Variants in ATP6V0A2 observed in about 807,000 individuals in gnomAD.
ATP6V0A2 encodes ATPase H+ transporting V0 subunit a2, also known as V-type proton ATPase 116 kDa subunit a 2.
A neutral mutation model predicts 104.4 loss-of-function variants in ATP6V0A2; 58 were observed. That is an observed-to-expected ratio of 0.56 (90% confidence interval 0.45 to 0.69). The LOEUF (loss-of-function observed/expected upper bound fraction) is 0.69. Among genes scored for constraint, ATP6V0A2 ranks in the 30% least tolerant of loss-of-function variants. The pLI, the probability that ATP6V0A2 is intolerant of heterozygous loss-of-function variation, is 0.00. For synonymous variants in ATP6V0A2, 376 were observed against 397.9 expected (o/e 0.95, Z 0.65); for missense variants, 938 against 1,062.9 (o/e 0.88, Z 1.63).
intron 6 of ATP6V0A2, chr12:123,732,520 C>T (rs1399601358): frequency 1.3e-5 from 2 of 152,266 alleles, no homozygotes; most frequent in African/African-American, 4.8e-5. Flanking sequence ...TACTACATCC[C>T]TCCCCGGCGG....
chr12:123,754,539 T>C lies in ATP6V0A2; in HGVS notation c.2293+2T>C, dbSNP rs200627158. ...GGGCGCTTAGCCTGGCTCACGCACG[T>C]AAGTTCCTGCTTAGACCTGCAGTTC... On this transcript the variant is annotated splice_donor_variant, in intron 18 of 19. Coordinates refer to ENST00000330342, the MANE Select transcript of ATP6V0A2 (RefSeq NM_012463.4). LOFTEE classifies it high-confidence loss of function. 1 of 1,610,556 alleles carries C rather than the reference T, an allele frequency of 6.2e-7. No individual in the cohort carries two copies. Among genetic ancestry groups the C allele is most frequent in the East Asian group, 2.2e-5 (1 of 44,862 alleles).
At chr12:123,728,841 TGA>T (rs1454606941) in intron 6 of ATP6V0A2, among the ~76,000 whole-genome samples, 21 of 150,176 alleles carry the variant, frequency 1.4e-4, no homozygotes, top group African/African-American at 4.7e-4. Context: ...TCTGATCACT[TGA>T]TTAGTTCCAT....
chr12:123,722,384 T>C lies in ATP6V0A2; in HGVS notation c.230T>C (p.Ile77Thr). ...YLVQEINRADIPLPEGEASPP... is the reference protein window; with the variant it reads ...YLVQEINRADTPLPEGEASPP... The stretch of plus-strand genomic sequence containing the variant: ...GTACAGGAAATTAATAGAGCTGATA[T>C]TCCCCTTCCTGAAGGAGAGGCCAGC... Residue 77 changes from isoleucine (I) to threonine (T), a missense_variant, in exon 3 of 20, where the codon ATT becomes ACT. By Grantham distance (89) the Ile-to-Thr change is moderately conservative (BLOSUM62 -1). Transcript: ENST00000330342. The C allele has an allele frequency of 1.9e-6, 3 of 1,611,882 alleles. No homozygotes were observed. The highest frequency in any genetic ancestry group is 1.3e-5 in the African/African-American group (1 of 75,020).
chr12:123,756,707 TG>T, intron 18 of ATP6V0A2, 107 bp from the exon 19 acceptor site: 1 of 1,163,372 alleles, frequency 8.6e-7, no homozygotes, highest in Non-Finnish European at 1.3e-6. Flanking sequence ...TATTATTTTA[TG>T]GGATAATAGT....
chr12:123,726,204 C>T lies in ATP6V0A2; in HGVS notation c.440C>T (p.Pro147Leu), dbSNP rs747354658. ...TFVKRNVEFE[P>L]TYEEFPSLES... Reference sequence around the variant, plus strand: ...TCATATGTTTATTTCTAGTTTGAACCCACTTATGAAGAATTCCCTTCCTTA... The same window carrying T: ...TCATATGTTTATTTCTAGTTTGAACTCACTTATGAAGAATTCCCTTCCTTA... Residue 147 changes from proline to leucine, a missense_variant, in exon 5 of 20, where the codon CCC (proline) becomes CTC (leucine). Coordinates refer to ENST00000330342, the MANE Select transcript of ATP6V0A2 (RefSeq NM_012463.4). 6.4e-5 allele frequency: 103 copies of T among 1,609,010 alleles called. No individual in the cohort carries two copies. In the Middle Eastern group the frequency reaches 1.6e-3, roughly 26 times the overall value.
intron 17 of ATP6V0A2, 59 bp from the exon 18 acceptor site, chr12:123,754,361 A>T: frequency 1.5e-6 from 2 of 1,294,328 alleles, no homozygotes; most frequent in Non-Finnish European, 2.3e-6. Context: ...CCCACTTGGC[A>T]TGTAGAAGTA....
At chr12:123,723,330 G>A (rs1265584890) in intron 3 of ATP6V0A2, 2 of 152,178 alleles carry the variant, frequency 1.3e-5, no homozygotes, top group Non-Finnish European at 2.9e-5. Context: ...AGTATATTAA[G>A]TGATTTGTTT....
At position 123,759,849 on chromosome 12, in the gene ATP6V0A2, CT is replaced by C; in HGVS notation, c.*1818del. 1 of 152,352 alleles carries C rather than the reference CT, an allele frequency of 6.6e-6. No individual in the cohort carries two copies. The highest frequency in any genetic ancestry group is 2.1e-4 in the South Asian group (1 of 4,830). The allele number at this position is 152,352 out of a possible 1,614,324, so 9.4% of individuals were successfully genotyped here. On this transcript the variant is annotated 3_prime_UTR_variant, in exon 20 of 20. Transcript: ENST00000330342. ...GTTACCCAAGGCCAGTTTGGACTTA[CT>C]GCTTTTTGTCCCTCATATTAAATTA...
chr12:123,741,920 T>C (rs113250166), intron 9 of ATP6V0A2, among the ~76,000 whole-genome samples: 1,629 of 152,338 alleles, frequency 0.011, 23 homozygotes, highest in African/African-American at 0.037. Context: ...TTCTTTTTTT[T>C]ATTTTTTGTG....
At chr12:123,717,020 T>C (rs1956347478) in intron 1 of ATP6V0A2, among the ~76,000 whole-genome samples, 1 of 152,016 alleles carries the variant, frequency 6.6e-6, no homozygotes, top group Non-Finnish European at 1.5e-5. Context: ...TCACTTAGTA[T>C]GAAAGTCATC....
At chr12:123,714,212 AGC>A (rs1956319640) in intron 1 of ATP6V0A2, among the ~76,000 whole-genome samples, 1 of 152,232 alleles carries the variant, frequency 6.6e-6, no homozygotes, top group Non-Finnish European at 1.5e-5. Flanking sequence ...AGTTTCAATA[AGC>A]GCCACTACCT....
At chr12:123,719,675 C>T (rs1956379223) in intron 2 of ATP6V0A2, among the ~76,000 whole-genome samples, 1 of 152,048 alleles carries the variant, frequency 6.6e-6, no homozygotes, top group Admixed American at 6.6e-5. Flanking sequence ...CCCCAAAGCT[C>T]TCCGTGCTGC....
chr12:123,719,288 T>C (rs1299199160), intron 2 of ATP6V0A2, among the ~76,000 whole-genome samples: 1 of 152,180 alleles, frequency 6.6e-6, no homozygotes, highest in African/African-American at 2.4e-5. Context: ...CTCTAAAGTC[T>C]TTACCATCTT....
intron 9 of ATP6V0A2, among the ~76,000 whole-genome samples, chr12:123,742,021 C>T (rs1029362872): frequency 1.3e-5 from 2 of 152,158 alleles, no homozygotes; most frequent in Admixed American, 1.3e-4. Flanking sequence ...CGTTCCTGTC[C>T]TGCTCAGTTT....
intron 1 of ATP6V0A2, among the ~76,000 whole-genome samples, chr12:123,716,914 C>G (rs1332282249): frequency 1.3e-5 from 2 of 152,174 alleles, no homozygotes; most frequent in South Asian, 4.1e-4. Flanking sequence ...CCCCACCCCC[C>G]CAGCACCCAC....
intron 13 of ATP6V0A2, 134 bp from the exon 14 acceptor site, chr12:123,747,473 T>G: frequency 1.4e-6 from 1 of 736,588 alleles, no homozygotes; most frequent in Non-Finnish European, 2.5e-6. Flanking sequence ...ATTGAAAGCA[T>G]CAAAAGAAAA....
In ATP6V0A2 at chr12:123,758,155, A is replaced by G. The variant is rs1259573435; in HGVS notation, c.*123A>G. On this transcript the variant is annotated 3_prime_UTR_variant, in exon 20 of 20. Transcript: ENST00000330342. ...TCATTACTGCCTTATGACATAGCCA[A>G]ATAATTCTGTAAGATATACCTCTTC... 4.4e-6 allele frequency: 3 copies of G among 681,822 alleles called. No homozygotes were observed. Among genetic ancestry groups the G allele is most frequent in the African/African-American group, 3.6e-5 (2 of 55,858 alleles). The allele number at this position is 681,822 out of a possible 1,614,324, so 42.2% of individuals were successfully genotyped here. A position where few individuals can be genotyped will look rare whatever the true frequency, so the allele number is the denominator to read the frequency against.
At chr12:123,712,727 G>GC (rs747470519) in intron 1 of ATP6V0A2, 45 bp downstream of exon 1, 2 of 1,523,290 alleles carry the variant, frequency 1.3e-6, no homozygotes, top group Admixed American at 1.7e-5. Context: ...CTCTCCTGGC[G>GC]CCCCCAATCC....
Position 123,744,255 on chromosome 12 carries a change from TC to T in ATP6V0A2, c.1245del (p.Phe415LeufsTer6). 1 of 1,614,236 alleles carries T rather than the reference TC, an allele frequency of 6.2e-7. No homozygotes were observed. The highest frequency in any genetic ancestry group is 8.5e-7 in the Non-Finnish European group (1 of 1,180,046). ...TTATTTGCTGTGATGTTTGGAGACT[TC>T]GGACATGGCTTTGTGATGTTTTTAT... ...PFLFAVMFGD[F>X]GHGFVMFLFA... On this transcript the variant is annotated frameshift_variant, in exon 11 of 20. Coordinates refer to ENST00000330342, the MANE Select transcript of ATP6V0A2 (RefSeq NM_012463.4). LOFTEE classifies it high-confidence loss of function. The surrounding 1 kb of genome is among the most constrained non-coding windows in gnomAD (Gnocchi z 5.4).
Sources: gnomAD v4.1 joint callset for allele counts (sites outside exome capture counted in the v4.1 genomes callset) on GRCh38, gnomAD v4.1.1 for gene constraint, Gnocchi (gnomAD v3.1) non-coding constraint, MANE v1.5 for transcripts, NCBI Gene and HGNC (gene_info 2026-07-23, HGNC 2026-07-21) for gene names.